DHX35: variants seen among roughly 807,000 people sequenced by gnomAD.
DHX35 encodes DEAH-box helicase 35, also known as probable ATP-dependent RNA helicase DHX35.
DHX35 carries 84 observed loss-of-function variants against 99.6 expected under a neutral mutation model. The ratio of observed to expected loss-of-function variants is 0.84; its 90% CI spans 0.71 to 1.01. The LOEUF (loss-of-function observed/expected upper bound fraction) is 1.01, where lower values mean the gene tolerates loss of function less well. DHX35 is among the 50% of genes least tolerant of loss of function. DHX35 has a pLI of 0.00. For synonymous variants in DHX35, 331 were observed against 316.2 expected (o/e 1.05, Z -0.50); for missense variants, 852 against 888.5 (o/e 0.96, Z 0.52).
chr20:39,028,053 A>G (rs2086985817), intron 18 of DHX35, among the ~76,000 whole-genome samples: 1 of 152,238 alleles, frequency 6.6e-6, no homozygotes, highest in Non-Finnish European at 1.5e-5. Context: ...CATTGTTGCC[A>G]TATGACACTC....
chr20:38,998,613 A>T (rs1327716374), intron 8 of DHX35, among the ~76,000 whole-genome samples: 5 of 151,850 alleles, frequency 3.3e-5, no homozygotes, highest in Non-Finnish European at 5.9e-5. Flanking sequence ...TTCAAACCTG[A>T]CTCAAATTCT....
intron 8 of DHX35, among the ~76,000 whole-genome samples, chr20:39,001,256 A>G (rs139361105): frequency 1.3e-5 from 2 of 152,230 alleles, no homozygotes; most frequent in African/African-American, 4.8e-5. Context: ...ACCAGTAACA[A>G]TGGGGCCGGA....
intron 3 of DHX35, chr20:38,978,020 A>C: frequency 5.7e-6 from 4 of 707,954 alleles, no homozygotes; most frequent in Non-Finnish European, 1.0e-5. Context: ...ATACTTAAGA[A>C]TTTCACATCT....
intron 14 of DHX35, among the ~76,000 whole-genome samples, chr20:39,016,024 G>T (rs1278745622): frequency 6.6e-6 from 1 of 152,174 alleles, no homozygotes; most frequent in Non-Finnish European, 1.5e-5. Context: ...ATAACAGAAT[G>T]CCAGAGGCTG....
At position 38,969,065 on chromosome 20, in the gene DHX35, A is replaced by G; in HGVS notation, c.41-16A>G. The G allele has an allele frequency of 6.3e-7, 1 of 1,575,116 alleles. No homozygotes were observed. The highest frequency in any genetic ancestry group is 8.6e-7 in the Non-Finnish European group (1 of 1,161,234). ...ATTGTATCAGAGAATCTGAAAAAAA[A>G]ACATTTCTGCTGCAGGTACAGAGGG... On this transcript the variant is annotated splice_polypyrimidine_tract_variant and intron_variant, in intron 1 of 21. Transcript: ENST00000252011.
intron 4 of DHX35, among the ~76,000 whole-genome samples, chr20:38,985,260 T>C (rs2086232753): frequency 6.6e-6 from 1 of 151,572 alleles, no homozygotes; most frequent in African/African-American, 2.4e-5. Context: ...TGCTGGCACC[T>C]GCCTGTGGTC....
At chr20:38,990,401 T>C (rs1281274417) in intron 5 of DHX35, among the ~76,000 whole-genome samples, 1 of 152,232 alleles carries the variant, frequency 6.6e-6, no homozygotes, top group Non-Finnish European at 1.5e-5. Context: ...TTACTGTATG[T>C]GTCTGAAGCA....
chr20:39,025,439 T>C, intron 18 of DHX35, 80 bp downstream of exon 18: 3 of 1,554,784 alleles, frequency 1.9e-6, no homozygotes. Flanking sequence ...CATGCTGGGC[T>C]GGTGCGAGGC....
At chr20:38,987,949 T>A (rs1314707192) in intron 4 of DHX35, among the ~76,000 whole-genome samples, 1 of 152,188 alleles carries the variant, frequency 6.6e-6, no homozygotes, top group Non-Finnish European at 1.5e-5. Context: ...CTTTTTGCCT[T>A]CGATGAGAAA....
At position 39,038,482 on chromosome 20, in the gene DHX35, C is replaced by T; in HGVS notation, c.2068-17C>T. ...GTCTAATCAACCCCAACTGTAGTGT[C>T]TTCTCTTCTGTTGCAGCACCTGTCT... On this transcript the variant is annotated splice_polypyrimidine_tract_variant and intron_variant, in intron 21 of 21. Coordinates refer to ENST00000252011, the MANE Select transcript of DHX35 (RefSeq NM_021931.4). 2.5e-6 allele frequency: 4 copies of T among 1,613,672 alleles called. No individual in the cohort carries two copies. The highest frequency in any genetic ancestry group is 3.4e-6 in the Non-Finnish European group (4 of 1,180,008).
At chr20:39,034,665 G>T (rs1387568658) in intron 21 of DHX35, among the ~76,000 whole-genome samples, 1 of 150,068 alleles carries the variant, frequency 6.7e-6, no homozygotes, top group African/African-American at 2.5e-5. Context: ...ATGGCTCACT[G>T]CAAGCTCCGT....
chr20:39,032,173 T>C (rs1380985342), intron 20 of DHX35, among the ~76,000 whole-genome samples: 2 of 152,234 alleles, frequency 1.3e-5, no homozygotes, highest in Non-Finnish European at 2.9e-5. Flanking sequence ...ATTTTGTTTT[T>C]TTGAGACAGT....
chr20:38,967,128 G>A (rs2085923122), intron 1 of DHX35, among the ~76,000 whole-genome samples: 2 of 30,586 alleles, frequency 6.5e-5, no homozygotes, highest in South Asian at 4.2e-3. Context: ...AGCTCTAGGG[G>A]GTCTACGGAC....
At chr20:38,991,307 C>A (rs868177382) in intron 5 of DHX35, 147 bp from the exon 6 acceptor site, 1 of 632,494 alleles carries the variant, frequency 1.6e-6, no homozygotes, top group Non-Finnish European at 2.6e-6. Flanking sequence ...TGCTTGATAA[C>A]GAAAATATGG....
intron 12 of DHX35, among the ~76,000 whole-genome samples, 180 bp downstream of exon 12, chr20:39,006,536 C>T (rs1041325399): frequency 6.6e-6 from 1 of 152,206 alleles, no homozygotes; most frequent in African/African-American, 2.4e-5. Flanking sequence ...TTCTTTGTTA[C>T]TAGTCCCCAT....
At chr20:38,981,167 CT>C (rs1330593792) in intron 3 of DHX35, among the ~76,000 whole-genome samples, 4 of 152,162 alleles carry the variant, frequency 2.6e-5, no homozygotes, top group Non-Finnish European at 4.4e-5. Flanking sequence ...AAACTACTGT[CT>C]TTCCCTTTTT....
Position 38,991,444 on chromosome 20 carries a change from T to G in DHX35, c.451-10T>G, listed in dbSNP as rs770463144. On this transcript the variant is annotated splice_polypyrimidine_tract_variant and intron_variant, in intron 5 of 21. Transcript: ENST00000252011. ...AATTATTTCTAAAGCTTTGTGTTTT[T>G]ATTTTTTAGTTTCTTACTGATGGAA... is the stretch of plus-strand genomic sequence containing the variant. 4.3e-6 allele frequency: 7 copies of G among 1,611,084 alleles called. No homozygotes were observed. The highest frequency in any genetic ancestry group is 5.1e-6 in the Non-Finnish European group (6 of 1,178,944).
At position 39,010,250 on chromosome 20, in the gene DHX35, T is replaced by G. The variant is rs775682535; in HGVS notation, c.1223-30T>G. ...GATTGCATTTGATTGTGACATTTGG[T>G]CCCAAACAGTTCTGATTTCCTATCC... On this transcript the variant is annotated intron_variant, in intron 12 of 21. Transcript: ENST00000252011. 34 of 1,613,852 alleles carry G rather than the reference T, an allele frequency of 2.1e-5. 1 individual carries two copies. The highest frequency in any genetic ancestry group is 1.7e-6 in the Non-Finnish European group (2 of 1,179,914).
chr20:39,034,895 G>C (rs1282253198), intron 21 of DHX35, among the ~76,000 whole-genome samples: 1 of 151,594 alleles, frequency 6.6e-6, no homozygotes, highest in Non-Finnish European at 1.5e-5. Flanking sequence ...TGGGATTACA[G>C]GTATGAGCCA....
Sources: allele counts gnomAD v4.1 joint callset (sites outside exome capture counted in the v4.1 genomes callset), GRCh38; gene constraint gnomAD v4.1.1; transcripts MANE v1.5; gene names NCBI Gene and HGNC (gene_info 2026-07-23, HGNC 2026-07-21).